The following ZNF841 variants were observed in gnomAD, a reference collection of about 807,000 sequenced individuals.
The protein encoded by ZNF841 is zinc finger protein 841.
ZNF841 carries 11 observed loss-of-function variants against 13.0 expected under a neutral mutation model. That is an observed-to-expected ratio of 0.85 (90% CI 0.53 to 1.40). The LOEUF (loss-of-function observed/expected upper bound fraction) is 1.40, where lower values mean the gene tolerates loss of function less well. Ranked by LOEUF, ZNF841 falls within the 40% of genes most tolerant of loss-of-function variation. The probability of loss-of-function intolerance (pLI) is 0.00; values close to 1 mark genes in which losing one functional copy is unlikely to be tolerated. For missense variants in ZNF841, 1,068 were observed against 1,139.5 expected, an observed-to-expected ratio of 0.94 and a Z score of 0.90; for synonymous variants, 369 against 381.6, an observed-to-expected ratio of 0.97 and a Z score of 0.38.
intron 2 of ZNF841, among the ~76,000 whole-genome samples, chr19:52,092,442 CTATCACCTCA>C (rs2088527363): frequency 6.6e-6 from 1 of 152,064 alleles, no homozygotes; most frequent in African/African-American, 2.4e-5. Context: ...CCACCATAAG[CTATCACCTCA>C]TACCTCTTAC....
chr19:52,091,499 GAACA>G (rs1247752141), intron 2 of ZNF841, among the ~76,000 whole-genome samples: 1 of 151,954 alleles, frequency 6.6e-6, no homozygotes, highest in Non-Finnish European at 1.5e-5. Context: ...AACACACAGA[GAACA>G]ATCAAACACA....
Position 52,067,091 on chromosome 19 carries a change from T to C in ZNF841, c.791A>G (p.Asn264Ser), listed in dbSNP as rs755955898. 6.9e-6 allele frequency: 11 copies of C among 1,598,988 alleles called. No individual in the cohort carries two copies. The Admixed American group carries it at 8.7e-5, about 13-fold the overall frequency. The change falls in exon 7 of 7, where the codon AAT becomes AGT. Residue 264 changes from asparagine to serine, a missense_variant. By Grantham distance (46) the Asn-to-Ser change is conservative (BLOSUM62 1). Transcript: ENST00000594440. ...THIREKPYIG[N>S]ECGKAFRVSS... is the part of the protein sequence containing the mutation. ...CACTCTGAAGGCTTTGCCACACTCA[T>C]TACCTATGTAAGGTTTTTCCCTAAT... is the stretch of plus-strand genomic sequence containing the variant.
intron 2 of ZNF841, among the ~76,000 whole-genome samples, chr19:52,092,548 T>C (rs920272728): frequency 1.1e-4 from 16 of 152,216 alleles, no homozygotes; most frequent in East Asian, 1.9e-4. Context: ...GCTGGGAGTG[T>C]ACATCAGTAC....
In ZNF841 at chr19:52,069,473, C is replaced by T. The variant is rs577367130; in HGVS notation, c.272-1863G>A. On this transcript the variant is annotated intron_variant, in intron 6 of 6. Coordinates refer to ENST00000594440, the MANE Select transcript of ZNF841 (RefSeq NM_001136499.2). ...CATGAACTGAGATAAAAGACAACAC[C>T]GTTTGGACCAAACTGCAAAATGAAA... 5.3e-5 allele frequency among the ~76,000 whole-genome samples: 8 copies of T among 152,224 alleles called. No individual in the cohort carries two copies. The South Asian group carries it at 1.2e-3, about 24-fold the overall frequency.
At chr19:52,081,183 T>C (rs1033729787) in intron 4 of ZNF841, among the ~76,000 whole-genome samples, 1 of 152,232 alleles carries the variant, frequency 6.6e-6, no homozygotes, top group African/African-American at 2.4e-5. Context: ...TATCTTCCCA[T>C]ATGATTTAAA....
At chr19:52,068,019 C>T (rs1426996246) in intron 6 of ZNF841, among the ~76,000 whole-genome samples, 2 of 151,928 alleles carry the variant, frequency 1.3e-5, no homozygotes, top group African/African-American at 2.4e-5. Context: ...GCAAGATATA[C>T]TGTAATGGTA....
chr19:52,067,659 A>C, intron 6 of ZNF841, 49 bp from the exon 7 acceptor site: 1 of 1,276,680 alleles, frequency 7.8e-7, no homozygotes, highest in South Asian at 2.0e-5. Flanking sequence ...TTATTGGTAA[A>C]TATTATTTTA....
At position 52,076,175 on chromosome 19, in the gene ZNF841, G is replaced by A. The variant is rs2087895196; in HGVS notation, c.143-3C>T. The A allele has an allele frequency of 1.3e-6, 2 of 1,550,648 alleles. No individual in the cohort carries two copies. The highest frequency in any genetic ancestry group is 1.7e-6 in the Non-Finnish European group (2 of 1,146,736). On this transcript the variant is annotated splice_region_variant and splice_polypyrimidine_tract_variant and intron_variant, in intron 5 of 6. Coordinates refer to ENST00000594440, the MANE Select transcript of ZNF841 (RefSeq NM_001136499.2). ...ATTCAGGTCAGGAAGACAGAGTCCTGCTTATAAAAAAAGAAAGAAGATGTC... is the reference window on the plus strand; with the variant it reads ...ATTCAGGTCAGGAAGACAGAGTCCTACTTATAAAAAAAGAAAGAAGATGTC...
intron 6 of ZNF841, among the ~76,000 whole-genome samples, chr19:52,074,516 GGGA>G (rs566722709): frequency 1.7e-3 from 251 of 152,072 alleles, no homozygotes; most frequent in African/African-American, 5.8e-3. Flanking sequence ...TGTTCTTCCC[GGGA>G]GAAATTTTTT....
intron 3 of ZNF841, 112 bp from the exon 4 acceptor site, chr19:52,084,990 AG>A: frequency 1.7e-6 from 1 of 599,222 alleles, no homozygotes. Context: ...CCAGTGCACC[AG>A]GGGGATGCAA....
downstream of ZNF841, among the ~76,000 whole-genome samples, chr19:52,060,921 T>C (rs2087386369): frequency 6.6e-6 from 1 of 152,170 alleles, no homozygotes; most frequent in Admixed American, 6.6e-5. Context: ...GTGTGGTGCA[T>C]GGTGGTGGAG....
At chr19:52,087,546 T>C (rs1285838864) in intron 3 of ZNF841, among the ~76,000 whole-genome samples, 2 of 152,178 alleles carry the variant, frequency 1.3e-5, no homozygotes, top group Non-Finnish European at 2.9e-5. Flanking sequence ...GGACATGATC[T>C]CATTGTTTTT....
intron 4 of ZNF841, among the ~76,000 whole-genome samples, chr19:52,078,438 T>C (rs1360185273): frequency 7.9e-5 from 12 of 152,004 alleles, no homozygotes; most frequent in Admixed American, 7.9e-4. Context: ...GTAAAAAAGT[T>C]TTTATAATCC....
downstream of ZNF841, among the ~76,000 whole-genome samples, chr19:52,061,009 T>TTA (rs888096260): frequency 2.0e-5 from 3 of 152,186 alleles, no homozygotes; most frequent in African/African-American, 4.8e-5. Flanking sequence ...AGAAAAACTT[T>TTA]AAGTCAGGTC....
chr19:52,093,254 T>C (rs1041904656), intron 2 of ZNF841, among the ~76,000 whole-genome samples: 4 of 152,320 alleles, frequency 2.6e-5, no homozygotes, highest in Admixed American at 2.0e-4. Flanking sequence ...AGAGTGTTCA[T>C]GTGTACATAT....
At chr19:52,068,967 C>T (rs2087666595) in intron 6 of ZNF841, among the ~76,000 whole-genome samples, 1 of 152,030 alleles carries the variant, frequency 6.6e-6, no homozygotes, top group Admixed American at 6.6e-5. Context: ...GCGAGACTGC[C>T]TCAAAAAAAG....
At chr19:52,087,805 G>A (rs569670443) in intron 3 of ZNF841, among the ~76,000 whole-genome samples, 1 of 152,072 alleles carries the variant, frequency 6.6e-6, no homozygotes, top group East Asian at 1.9e-4. Flanking sequence ...GGCCAACGTG[G>A]TGAAACCCCG....
chr19:52,078,857 T>A (rs374468939), intron 4 of ZNF841, among the ~76,000 whole-genome samples: 1 of 152,070 alleles, frequency 6.6e-6, no homozygotes, highest in Non-Finnish European at 1.5e-5. Flanking sequence ...TGTGAAAAGA[T>A]AATAGGCTGA....
Position 52,065,161 on chromosome 19 carries a change from T to A in ZNF841, c.2721A>T (p.Lys907Asn). The A allele has an allele frequency of 1.3e-6, 2 of 1,576,622 alleles. No individual in the cohort carries two copies. The highest frequency in any genetic ancestry group is 1.7e-6 in the Non-Finnish European group (2 of 1,161,834). ...CATCTAACGGCCTTTCCACATTGAGTTTAGTTGTAAGGTTCTCTCCAGCAT... is the reference window on the plus strand; with the variant it reads ...CATCTAACGGCCTTTCCACATTGAGATTAGTTGTAAGGTTCTCTCCAGCAT... ...IKHAGENLTT[K>N]LNVERPLDVV... The change falls in exon 7 of 7, where the codon AAA (lysine) becomes AAT (asparagine). Residue 907 changes from lysine to asparagine, a missense_variant. Lys to Asn is a moderately conservative substitution (Grantham distance 94). Coordinates refer to ENST00000594440, the MANE Select transcript of ZNF841 (RefSeq NM_001136499.2).
Sources: gnomAD v4.1 joint callset for allele counts (sites outside exome capture counted in the v4.1 genomes callset) on GRCh38, gnomAD v4.1.1 for gene constraint, MANE v1.5 for transcripts, NCBI Gene and HGNC (gene_info 2026-07-23, HGNC 2026-07-21) for gene names.